The following FAT3 variants were observed in gnomAD, a reference collection of about 807,000 sequenced individuals.
The protein encoded by FAT3 is protocadherin Fat 3.
In FAT3, 95 loss-of-function variants were observed where a neutral mutation model predicts 310.2. The observed-to-expected ratio is 0.31, with a 90% CI of 0.26 to 0.36. The LOEUF is 0.36. Ranked by LOEUF, FAT3 falls within the 10% of genes least tolerant of loss-of-function variation. FAT3 has a pLI of 1.00. For synonymous variants in FAT3, 2,314 were observed against 2,192.9 expected (o/e 1.06, Z -1.54); for missense variants, 5,408 against 5,715.6 (o/e 0.95, Z 1.74).
chr11:92,866,620 C>A, intron 21 of FAT3, 121 bp from the exon 22 acceptor site: 3 of 856,858 alleles, frequency 3.5e-6, no homozygotes, highest in Non-Finnish European at 5.3e-6. Context: ...ATGAGTAGAG[C>A]AAAAGTCATG....
At chr11:92,619,764 C>G (rs921492333) in intron 3 of FAT3, among the ~76,000 whole-genome samples, 2 of 151,908 alleles carry the variant, frequency 1.3e-5, no homozygotes, top group African/African-American at 2.4e-5. Context: ...CTTGATCACT[C>G]TAGCTCAATT....
chr11:92,249,737 A>C (rs1302405262), intron 1 of FAT3, among the ~76,000 whole-genome samples: 2 of 152,064 alleles, frequency 1.3e-5, no homozygotes, highest in Non-Finnish European at 2.9e-5. Context: ...CAGTGCAAAC[A>C]CCTTATAAAA....
chr11:92,601,478 C>A (rs1455422911), intron 3 of FAT3, among the ~76,000 whole-genome samples: 1 of 152,074 alleles, frequency 6.6e-6, no homozygotes, highest in African/African-American at 2.4e-5. Context: ...GCCTGTAATC[C>A]CAGCTACTTG....
At chr11:92,864,701 C>T (rs906156527) in intron 21 of FAT3, among the ~76,000 whole-genome samples, 1 of 152,018 alleles carries the variant, frequency 6.6e-6, no homozygotes, top group Non-Finnish European at 1.5e-5. Flanking sequence ...CCTGTAATCC[C>T]AGCTACTCGG....
At chr11:92,330,372 G>C (rs1460678037) in intron 1 of FAT3, among the ~76,000 whole-genome samples, 1 of 152,226 alleles carries the variant, frequency 6.6e-6, no homozygotes, top group African/African-American at 2.4e-5. Context: ...GAATCTAGCA[G>C]AGCTATCTGT....
intron 2 of FAT3, among the ~76,000 whole-genome samples, chr11:92,432,676 C>T (rs1279397888): frequency 6.6e-6 from 1 of 152,160 alleles, no homozygotes; most frequent in East Asian, 1.9e-4. Flanking sequence ...CCAGCCAGAG[C>T]TCTCCTGTAT....
chr11:92,739,756 C>T (rs1945451741), intron 4 of FAT3, among the ~76,000 whole-genome samples: 1 of 152,192 alleles, frequency 6.6e-6, no homozygotes, highest in African/African-American at 2.4e-5. Flanking sequence ...ACATGCTTGG[C>T]AATCTCTGCT....
intron 3 of FAT3, among the ~76,000 whole-genome samples, chr11:92,612,688 A>G (rs1287862135): frequency 6.6e-6 from 1 of 152,230 alleles, no homozygotes; most frequent in African/African-American, 2.4e-5. Flanking sequence ...ACTGTACTGC[A>G]ACATATAATT....
intron 3 of FAT3, among the ~76,000 whole-genome samples, chr11:92,597,355 G>A (rs1939764123): frequency 6.6e-6 from 1 of 152,134 alleles, no homozygotes. Flanking sequence ...TCATAGCTGA[G>A]GAAATGGAAA....
intron 1 of FAT3, among the ~76,000 whole-genome samples, chr11:92,231,612 G>A (rs557478539): frequency 3.3e-5 from 5 of 152,232 alleles, no homozygotes; most frequent in Admixed American, 2.0e-4. Flanking sequence ...AGCCTTTTCA[G>A]TACCATGGAA....
chr11:92,844,261 G>C lies in FAT3; in HGVS notation c.10894G>C (p.Asp3632His). 3 of 1,614,020 alleles carry C rather than the reference G, an allele frequency of 1.9e-6. No individual in the cohort carries two copies. Among genetic ancestry groups the C allele is most frequent in the Non-Finnish European group, 2.5e-6 (3 of 1,179,908 alleles). Residue 3632 changes from aspartate to histidine, a missense_variant, in exon 19 of 28, where the codon GAT (aspartate) becomes CAT (histidine). Physicochemically the swap from Asp to His is moderately conservative, Grantham distance 81. Coordinates refer to ENST00000525166, the MANE Select transcript of FAT3 (RefSeq NM_001367949.2). ...VSDGRFQVPI[D>H]VVVHVEQLVH... ...TGATGGTCGCTTCCAGGTACCCATTGATGTGGTCGTGCATGTGGAGCAGTT... is the reference window on the plus strand; with the variant it reads ...TGATGGTCGCTTCCAGGTACCCATTCATGTGGTCGTGCATGTGGAGCAGTT...
chr11:92,885,344 G>A (rs538926814), intron 24 of FAT3, among the ~76,000 whole-genome samples: 3 of 152,252 alleles, frequency 2.0e-5, no homozygotes, highest in African/African-American at 7.2e-5. Context: ...GGTGAAATAC[G>A]CACCTGAAGG....
intron 2 of FAT3, among the ~76,000 whole-genome samples, chr11:92,381,263 G>A (rs375337106): frequency 9.2e-5 from 14 of 152,094 alleles, no homozygotes; most frequent in East Asian, 3.9e-4. Context: ...TAATCCCAGC[G>A]TTTAGGGAGG....
chr11:92,549,705 A>G (rs1384033136), intron 3 of FAT3, among the ~76,000 whole-genome samples: 1 of 152,164 alleles, frequency 6.6e-6, no homozygotes, highest in Non-Finnish European at 1.5e-5. Context: ...TAATCACTCC[A>G]AGTTTGTCAT....
intron 1 of FAT3, among the ~76,000 whole-genome samples, chr11:92,306,744 A>AAT (rs897221557): frequency 8.4e-6 from 1 of 118,794 alleles, no homozygotes; most frequent in Non-Finnish European, 1.7e-5. Flanking sequence ...TTTATATATA[A>AAT]ATATATATAA....
At chr11:92,645,647 A>T (rs1942129014) in intron 3 of FAT3, among the ~76,000 whole-genome samples, 1 of 152,116 alleles carries the variant, frequency 6.6e-6, no homozygotes, top group African/African-American at 2.4e-5. Context: ...GCTTTTTTTT[A>T]GGTAAAGTTG....
chr11:92,681,539 T>G (rs184011094), intron 3 of FAT3, among the ~76,000 whole-genome samples: 24 of 152,254 alleles, frequency 1.6e-4, no homozygotes, highest in African/African-American at 5.8e-4. Flanking sequence ...GTGAATTTAG[T>G]AGAATGTATT....
At chr11:92,840,166 A>G (rs751156089) in intron 17 of FAT3, among the ~76,000 whole-genome samples, 10 of 152,108 alleles carry the variant, frequency 6.6e-5, no homozygotes, top group East Asian at 3.9e-4. Flanking sequence ...GTGTTGTGAC[A>G]TGTGTGTGTG....
intron 1 of FAT3, among the ~76,000 whole-genome samples, chr11:92,279,107 A>T (rs1223581227): frequency 6.6e-6 from 1 of 152,180 alleles, no homozygotes. Context: ...TATTATTTTA[A>T]ATTACATTAC....
Sources: gnomAD v4.1 joint callset for allele counts (sites outside exome capture counted in the v4.1 genomes callset) on GRCh38, gnomAD v4.1.1 for gene constraint, MANE v1.5 for transcripts, NCBI Gene and HGNC (gene_info 2026-07-23, HGNC 2026-07-21) for gene names.